MIB1: variants seen among roughly 807,000 people sequenced by gnomAD.
MIB1 encodes the protein MIB E3 ubiquitin protein ligase 1, also known as E3 ubiquitin-protein ligase MIB1.
Under a neutral mutation model 124.5 loss-of-function variants are expected in MIB1, and 278 were observed. That is an observed-to-expected ratio of 2.23 (90% CI 2.02 to 2.47). MIB1 has a LOEUF of 2.47. Among genes scored for constraint, MIB1 ranks in the 30% most tolerant of loss-of-function variants. The probability of loss-of-function intolerance (pLI) is 0.00; values close to 1 mark genes in which losing one functional copy is unlikely to be tolerated. For missense variants in MIB1, 957 were observed against 1,254.4 expected (o/e 0.76, Z 3.58); for synonymous variants, 446 against 429.4 (o/e 1.04, Z -0.48).
chr18:21,713,754 C>CTT (rs79864353), intron 1 of MIB1, among the ~76,000 whole-genome samples: 2,324 of 138,256 alleles, frequency 0.017, 63 homozygotes, highest in African/African-American at 0.054. Context: ...CACCCCTCTC[C>CTT]TTTTTTTTTT....
intron 12 of MIB1, among the ~76,000 whole-genome samples, chr18:21,824,558 C>G (rs555035076): frequency 6.6e-6 from 1 of 152,204 alleles, no homozygotes; most frequent in Non-Finnish European, 1.5e-5. Context: ...CATCTACTCT[C>G]AAACACCATA....
In MIB1 at chr18:21,719,044, C is replaced by T. The variant is rs562220871; in HGVS notation, n.167+13921C>T. ...TCTCTACTAAAAATACAAAATTAGC[C>T]GGGAGTGGTGGCGCATGCCTGTAAT... On this transcript the variant is annotated intron_variant and non_coding_transcript_variant, in intron 1 of 20. Transcript: ENST00000578646. Among the ~76,000 whole-genome samples the T allele has an allele frequency of 5.9e-5, 9 of 152,002 alleles. No homozygotes were observed. The South Asian group carries it at 1.0e-3, about 18-fold the overall frequency.
intron 1 of MIB1, among the ~76,000 whole-genome samples, chr18:21,725,642 A>G (rs1010082180): frequency 7.2e-5 from 11 of 152,206 alleles, no homozygotes; most frequent in Admixed American, 3.9e-4. Context: ...TAATTTACAG[A>G]CTATAACCTA....
At chr18:21,782,897 T>C (rs749894919) in intron 6 of MIB1, among the ~76,000 whole-genome samples, 5 of 152,194 alleles carry the variant, frequency 3.3e-5, no homozygotes, top group African/African-American at 9.6e-5. Flanking sequence ...GTTAAAGATA[T>C]TGCAGTGTAT....
At chr18:21,725,165 C>T (rs1255884361) in intron 1 of MIB1, among the ~76,000 whole-genome samples, 1 of 151,174 alleles carries the variant, frequency 6.6e-6, no homozygotes, top group Admixed American at 6.6e-5. Context: ...ACCCCAACCT[C>T]AGTTCTAATA....
chr18:21,858,560 C>G lies in MIB1; in HGVS notation c.2794C>G (p.Pro932Ala). ...CTATATTATAGCAAGTGGGAATATTCCAGTATTACAAAAGGACAAGGATAA... is the reference window on the plus strand; with the variant it reads ...CTATATTATAGCAAGTGGGAATATTGCAGTATTACAAAAGGACAAGGATAA... ...ATDDISSGNI[P>A]VLQKDKDNTN... Residue 932 changes from proline to alanine, a missense_variant, in exon 20 of 21, where the codon CCA becomes GCA. By Grantham distance (27) the Pro-to-Ala change is conservative. Transcript: ENST00000261537. 6.5e-7 allele frequency: 1 copy of G among 1,543,822 alleles called. No individual in the cohort carries two copies. Among genetic ancestry groups the G allele is most frequent in the Non-Finnish European group, 8.9e-7 (1 of 1,119,452 alleles).
intron 10 of MIB1, among the ~76,000 whole-genome samples, chr18:21,811,657 T>C (rs1273481352): frequency 6.6e-6 from 1 of 152,076 alleles, no homozygotes; most frequent in Non-Finnish European, 1.5e-5. Flanking sequence ...GTAGTCAAAA[T>C]CATGGGAACA....
At chr18:21,785,374 C>T (rs548202968) in intron 6 of MIB1, among the ~76,000 whole-genome samples, 114 of 152,170 alleles carry the variant, frequency 7.5e-4, no homozygotes, top group Non-Finnish European at 1.2e-3. Flanking sequence ...CTCTCGTCTC[C>T]GCCCACGAAG....
Position 21,835,840 on chromosome 18 carries a change from A to ACACACACACACACACAAACAC in MIB1, c.1830-2525_1830-2524insCACACACACACACACAAACAC, listed in dbSNP as rs1555695330. ...ACACACACACACACACACACACACAAACACACACGAGGAGTATTGGGAAAG... is the reference window on the plus strand; with the variant it reads ...ACACACACACACACACACACACACAACACACACACACACACAAACACACACACACGAGGAGTATTGGGAAAG... On this transcript the variant is annotated intron_variant, in intron 12 of 20. Transcript: ENST00000261537. Among the ~76,000 whole-genome samples, 362 of 108,042 alleles carry ACACACACACACACACAAACAC rather than the reference A, an allele frequency of 3.4e-3. 3 individuals carry two copies. Among genetic ancestry groups the ACACACACACACACACAAACAC allele is most frequent in the African/African-American group, 5.7e-3 (159 of 27,998 alleles). 70.9% of individuals were successfully genotyped at this position (108,042 alleles called of 152,430 possible).
At chr18:21,757,487 CTT>C (rs749427675) in intron 1 of MIB1, among the ~76,000 whole-genome samples, 18 of 84,320 alleles carry the variant, frequency 2.1e-4, no homozygotes, top group Admixed American at 3.7e-4. Context: ...AAAAGACAGT[CTT>C]TTTTTTTTTT....
chr18:21,805,431 A>G lies in MIB1; in HGVS notation c.1479+1417A>G, dbSNP rs73963253. On this transcript the variant is annotated intron_variant, in intron 10 of 20. Coordinates refer to ENST00000261537, the MANE Select transcript of MIB1 (RefSeq NM_020774.4). ...GTTACTTTTGCACTAGTAATTTTTAAGTTGCATCTTTCTTGATTGTAAGTT... is the reference window on the plus strand; with the variant it reads ...GTTACTTTTGCACTAGTAATTTTTAGGTTGCATCTTTCTTGATTGTAAGTT... Among the ~76,000 whole-genome samples the G allele has an allele frequency of 8.7e-3, 1,332 of 152,290 alleles. 21 individuals carry two copies. Among genetic ancestry groups the G allele is most frequent in the African/African-American group, 0.03 (1,245 of 41,554 alleles).
intron 10 of MIB1, among the ~76,000 whole-genome samples, chr18:21,806,618 G>GTT (rs1226979427): frequency 6.7e-5 from 10 of 149,638 alleles, no homozygotes; most frequent in African/African-American, 2.5e-4. Context: ...ATAGTTTTTT[G>GTT]TTTTTTGTTT....
rs530749900 is a variant in MIB1, at chr18:21,777,141, C to T, written c.637-962C>T. Among the ~76,000 whole-genome samples, 139 of 150,634 alleles carry T rather than the reference C, an allele frequency of 9.2e-4. 2 individuals are homozygous for T. Among genetic ancestry groups the T allele is most frequent in the South Asian group, 4.2e-4 (2 of 4,730 alleles). On this transcript the variant is annotated intron_variant, in intron 4 of 20. Coordinates refer to ENST00000261537, the MANE Select transcript of MIB1 (RefSeq NM_020774.4). Reference sequence around the variant, plus strand: ...ATCTTTAAAATGGAATGTGCTGGCCCGGCGTGGTGGCTTATGCCAGTAATC... The same window carrying T: ...ATCTTTAAAATGGAATGTGCTGGCCTGGCGTGGTGGCTTATGCCAGTAATC...
intron 1 of MIB1, among the ~76,000 whole-genome samples, chr18:21,716,903 T>G (rs189638739): frequency 6.6e-6 from 1 of 151,914 alleles, no homozygotes; most frequent in East Asian, 1.9e-4. Context: ...GGATAAGAAT[T>G]CACCTGTCAA....
intron 12 of MIB1, among the ~76,000 whole-genome samples, chr18:21,821,209 A>G (rs1568215120): frequency 6.6e-6 from 1 of 152,122 alleles, no homozygotes; most frequent in Non-Finnish European, 1.5e-5. Context: ...TTTAAATTTT[A>G]TACATTTACA....
At chr18:21,740,783 C>T (rs1314978525), upstream of MIB1, among the ~76,000 whole-genome samples, 1 of 152,244 alleles carries the variant, frequency 6.6e-6, no homozygotes, top group Non-Finnish European at 1.5e-5. Flanking sequence ...CGCGCGCATG[C>T]GCACTCTCCT....
intron 2 of MIB1, among the ~76,000 whole-genome samples, chr18:21,767,692 C>T (rs1191691912): frequency 3.3e-5 from 5 of 152,132 alleles, no homozygotes; most frequent in Admixed American, 6.5e-5. Context: ...GGACTACAGG[C>T]GCCCGCCACC....
intron 13 of MIB1, among the ~76,000 whole-genome samples, chr18:21,842,260 T>C (rs1035168839): frequency 6.6e-6 from 1 of 152,014 alleles, no homozygotes; most frequent in Non-Finnish European, 1.5e-5. Context: ...GTATCAAGAG[T>C]TGTAACCAGA....
intron 4 of MIB1, among the ~76,000 whole-genome samples, chr18:21,774,961 T>A (rs2959522): frequency 0.038 from 3,240 of 86,332 alleles, 139 homozygotes; most frequent in African/African-American, 0.19. Context: ...TTATTTATTT[T>A]TTGAGACACA....
Sources: allele counts gnomAD v4.1 joint callset (sites outside exome capture counted in the v4.1 genomes callset), GRCh38; gene constraint gnomAD v4.1.1; transcripts MANE v1.5; gene names NCBI Gene and HGNC (gene_info 2026-07-23, HGNC 2026-07-21).